Variants in VWC2L observed in about 807,000 individuals in gnomAD.
VWC2L encodes the protein von Willebrand factor C domain-containing protein 2-like.
A neutral mutation model predicts 21.6 loss-of-function variants in VWC2L; 10 were observed. The observed-to-expected ratio is 0.46, with a 90% CI of 0.29 to 0.78. VWC2L has a LOEUF of 0.78. Ranked by LOEUF, VWC2L falls within the 30% of genes least tolerant of loss-of-function variation. The pLI, the probability that VWC2L is intolerant of heterozygous loss-of-function variation, is 0.10. For missense variants in VWC2L, 209 were observed against 277.1 expected, an observed-to-expected ratio of 0.75 and a Z score of 1.74; for synonymous variants, 96 against 94.3, an observed-to-expected ratio of 1.02 and a Z score of -0.10.
chr2:214,451,239 C>A (rs949662461), intron 3 of VWC2L, among the ~76,000 whole-genome samples: 1 of 144,088 alleles, frequency 6.9e-6, no homozygotes, highest in African/African-American at 2.6e-5. Context: ...ATATATACTT[C>A]TTTTTAGGTG....
chr2:214,489,391 G>A (rs1688715880), intron 3 of VWC2L, among the ~76,000 whole-genome samples: 1 of 152,146 alleles, frequency 6.6e-6, no homozygotes. Flanking sequence ...GCCCCTAGAG[G>A]TAGAGAGACT....
intron 3 of VWC2L, chr2:214,510,047 G>T (rs370027131): frequency 3.3e-5 from 5 of 152,142 alleles, no homozygotes; most frequent in African/African-American, 4.8e-5. Context: ...TACAAAATAC[G>T]TAAGATTTTG....
At chr2:214,457,869 G>C (rs1383967607) in intron 3 of VWC2L, among the ~76,000 whole-genome samples, 1 of 152,070 alleles carries the variant, frequency 6.6e-6, no homozygotes, top group Non-Finnish European at 1.5e-5. Context: ...TGATCTGTTA[G>C]TATTTAGTTG....
chr2:214,426,171 CAA>C (rs34411661), intron 2 of VWC2L, among the ~76,000 whole-genome samples: 1,104 of 69,860 alleles, frequency 0.016, 3 homozygotes, highest in African/African-American at 0.048. Context: ...GGCTTCGTCT[CAA>C]AAAAAAAAAA....
chr2:214,540,677 T>A (rs927622297), intron 3 of VWC2L, among the ~76,000 whole-genome samples: 1 of 152,170 alleles, frequency 6.6e-6, no homozygotes, highest in African/African-American at 2.4e-5. Flanking sequence ...CTCATCTGAA[T>A]TAGAGGAATC....
intron 2 of VWC2L, among the ~76,000 whole-genome samples, chr2:214,423,243 G>A (rs888048378): frequency 1.4e-4 from 22 of 152,062 alleles, no homozygotes; most frequent in African/African-American, 5.1e-4. Context: ...CTTTTTTATA[G>A]TCTAGGTCCT....
chr2:214,433,743 T>C (rs1366230665), intron 2 of VWC2L, among the ~76,000 whole-genome samples: 3 of 152,142 alleles, frequency 2.0e-5, no homozygotes, highest in South Asian at 4.1e-4. Context: ...TTTTTACAAA[T>C]GCAGGGGCAG....
chr2:214,493,625 C>T (rs1688774195), intron 3 of VWC2L, among the ~76,000 whole-genome samples: 1 of 152,126 alleles, frequency 6.6e-6, no homozygotes. Flanking sequence ...GTCTTTCTAA[C>T]AGCTCTGGCA....
chr2:214,520,626 C>T (rs978735716), intron 3 of VWC2L, among the ~76,000 whole-genome samples: 2 of 152,180 alleles, frequency 1.3e-5, no homozygotes, highest in African/African-American at 4.8e-5. Context: ...GATATTCTCA[C>T]CAGTGATGCA....
At chr2:214,470,832 G>A (rs7564844) in intron 3 of VWC2L, among the ~76,000 whole-genome samples, 88,614 of 148,824 alleles carry the variant, frequency 0.6, 28,586 homozygotes, top group South Asian at 0.76. Context: ...CAGGAGAATC[G>A]CTTGAACTTG....
chr2:214,454,012 C>T (rs548946569), intron 3 of VWC2L, among the ~76,000 whole-genome samples: 281 of 152,180 alleles, frequency 1.8e-3, no homozygotes, highest in African/African-American at 6.1e-3. Context: ...TGAGCCACCG[C>T]GCCCAGCCTT....
At chr2:214,541,281 A>G (rs951342175) in intron 3 of VWC2L, among the ~76,000 whole-genome samples, 9 of 143,848 alleles carry the variant, frequency 6.3e-5, no homozygotes, top group African/African-American at 2.2e-4. Context: ...TACCACCCAA[A>G]TGGAAAAAAA....
intron 3 of VWC2L, among the ~76,000 whole-genome samples, chr2:214,518,572 G>T (rs1357354975): frequency 6.6e-6 from 1 of 152,140 alleles, no homozygotes; most frequent in Non-Finnish European, 1.5e-5. Context: ...AGCATGAAAA[G>T]CTTGTCTCTA....
intron 3 of VWC2L, among the ~76,000 whole-genome samples, chr2:214,479,745 C>T (rs114094946): frequency 1.3e-5 from 2 of 152,234 alleles, no homozygotes; most frequent in Admixed American, 6.5e-5. Flanking sequence ...GAGCTGAGAT[C>T]GTGCCATTGC....
intron 3 of VWC2L, among the ~76,000 whole-genome samples, chr2:214,501,721 C>CAAAAAAA (rs776608301): frequency 1.3e-5 from 1 of 79,102 alleles, no homozygotes. Context: ...GACTCTGTCT[C>CAAAAAAA]AAAAAAAAAA....
chr2:214,533,809 C>T (rs1342784824), intron 3 of VWC2L, among the ~76,000 whole-genome samples: 1 of 152,078 alleles, frequency 6.6e-6, no homozygotes, highest in Non-Finnish European at 1.5e-5. Context: ...TATACAGCTT[C>T]TACAATTTAA....
chr2:214,552,179 A>T (rs914708667), intron 3 of VWC2L, among the ~76,000 whole-genome samples: 1 of 152,166 alleles, frequency 6.6e-6, no homozygotes. Flanking sequence ...TCTTTTCCTA[A>T]CCTGCAACCT....
At chr2:214,481,865 GTTCAT>G (rs1168626363) in intron 3 of VWC2L, among the ~76,000 whole-genome samples, 2 of 152,130 alleles carry the variant, frequency 1.3e-5, no homozygotes, top group African/African-American at 4.8e-5. Context: ...AAAGGTTTGT[GTTCAT>G]TTAAGATGCC....
At chr2:214,538,655 T>C (rs1484620529) in intron 3 of VWC2L, among the ~76,000 whole-genome samples, 1 of 98,444 alleles carries the variant, frequency 1.0e-5, no homozygotes, top group African/African-American at 2.8e-5. Context: ...ATAGTATATA[T>C]AAAATATATA....
Sources: gnomAD v4.1 joint callset for allele counts (sites outside exome capture counted in the v4.1 genomes callset) on GRCh38, gnomAD v4.1.1 for gene constraint, MANE v1.5 for transcripts, NCBI Gene and HGNC (gene_info 2026-07-23, HGNC 2026-07-21) for gene names.